FHIT: variants seen among roughly 807,000 people sequenced by gnomAD.
FHIT encodes the protein fragile histidine triad diadenosine triphosphatase, also known as bis(5'-adenosyl)-triphosphatase.
FHIT carries 19 observed loss-of-function variants against 17.9 expected under a neutral mutation model. The observed-to-expected ratio is 1.06, with a 90% CI of 0.74 to 1.56. The LOEUF (loss-of-function observed/expected upper bound fraction) is 1.56. FHIT is among the 40% of genes most tolerant of loss of function. The pLI is 0.00. For missense variants in FHIT, 248 were observed against 189.2 expected, an observed-to-expected ratio of 1.31 and a Z score of -1.82; for synonymous variants, 81 against 69.7, an observed-to-expected ratio of 1.16 and a Z score of -0.81.
At chr3:61,090,104 T>C (rs1334348875) in intron 2 of FHIT, among the ~76,000 whole-genome samples, 16 of 152,234 alleles carry the variant, frequency 1.1e-4, no homozygotes, top group Admixed American at 1.0e-3. Context: ...TCCAAGATTA[T>C]GCCTTTCATC....
At chr3:60,397,000 G>A (rs1015981935) in intron 5 of FHIT, among the ~76,000 whole-genome samples, 1 of 152,000 alleles carries the variant, frequency 6.6e-6, no homozygotes, top group Non-Finnish European at 1.5e-5. Flanking sequence ...GCTTTTCATT[G>A]TCCACAAAAT....
chr3:60,971,541 T>G (rs1002513510), intron 3 of FHIT, among the ~76,000 whole-genome samples: 2 of 152,150 alleles, frequency 1.3e-5, no homozygotes, highest in African/African-American at 4.8e-5. Context: ...TTTGCCCCCT[T>G]GCTATCTATG....
chr3:60,065,007 G>A (rs1702441454), intron 5 of FHIT, among the ~76,000 whole-genome samples: 1 of 152,058 alleles, frequency 6.6e-6, no homozygotes, highest in Non-Finnish European at 1.5e-5. Context: ...AAACACAGCT[G>A]GCCTCAAAGG....
At chr3:60,168,025 A>G (rs555737394) in intron 5 of FHIT, among the ~76,000 whole-genome samples, 7 of 152,346 alleles carry the variant, frequency 4.6e-5, no homozygotes, top group Admixed American at 2.6e-4. Context: ...CCCTGTCTCA[A>G]TAAGTAAGTA....
rs192709469 is a variant in FHIT, at chr3:59,854,442, A to G, written c.348+67904T>C. Among the ~76,000 whole-genome samples, 4 of 152,322 alleles carry G rather than the reference A, an allele frequency of 2.6e-5. No individual in the cohort carries two copies. In the East Asian group the frequency reaches 7.7e-4, roughly 29 times the overall value. ...TTTCCCATCTGACTTTCCAATGAGCATCCCAATCATCACTTAGGTCATTAT... is the reference window on the plus strand; with the variant it reads ...TTTCCCATCTGACTTTCCAATGAGCGTCCCAATCATCACTTAGGTCATTAT... On this transcript the variant is annotated intron_variant, in intron 8 of 9. Transcript: ENST00000492590.
intron 5 of FHIT, among the ~76,000 whole-genome samples, chr3:60,285,626 A>G (rs1335734973): frequency 6.6e-6 from 1 of 152,156 alleles, no homozygotes; most frequent in Non-Finnish European, 1.5e-5. Flanking sequence ...GTTGAGTTTA[A>G]TTTTAGGAAA....
chr3:60,595,522 G>GAC (rs1353320008), intron 4 of FHIT, among the ~76,000 whole-genome samples: 5 of 46,310 alleles, frequency 1.1e-4, no homozygotes, highest in South Asian at 7.3e-4. Context: ...TATATATATG[G>GAC]ACACACACAC....
intron 5 of FHIT, among the ~76,000 whole-genome samples, chr3:60,172,556 G>A (rs527290604): frequency 4.6e-5 from 7 of 152,102 alleles, no homozygotes; most frequent in South Asian, 4.2e-4. Context: ...GATTAAAGGC[G>A]TGAGCCACTG....
intron 5 of FHIT, among the ~76,000 whole-genome samples, chr3:60,524,266 T>A (rs2035490996): frequency 6.6e-6 from 1 of 150,848 alleles, no homozygotes. Context: ...TATATAATAA[T>A]TTAGTGTATA....
Position 60,217,790 on chromosome 3 carries a change from C to T in FHIT, c.104-203638G>A, listed in dbSNP as rs541829683. 1.2e-4 allele frequency among the ~76,000 whole-genome samples: 18 copies of T among 152,300 alleles called. 1 individual carries two copies. In the South Asian group the frequency reaches 3.5e-3, roughly 30 times the overall value. Reference sequence around the variant, plus strand: ...CACTTTTCTCTTTGCCTGGCTCCCTCCTGCCCATGGTTCAGATCTCAATTT... The same window carrying T: ...CACTTTTCTCTTTGCCTGGCTCCCTTCTGCCCATGGTTCAGATCTCAATTT... On this transcript the variant is annotated intron_variant, in intron 5 of 9. Coordinates refer to ENST00000492590, the MANE Select transcript of FHIT (RefSeq NM_002012.4).
intron 5 of FHIT, among the ~76,000 whole-genome samples, chr3:60,404,409 C>G (rs924777450): frequency 6.6e-6 from 1 of 152,140 alleles, no homozygotes; most frequent in African/African-American, 2.4e-5. Flanking sequence ...GTATGTACTA[C>G]TCAGTTGTCT....
intron 4 of FHIT, among the ~76,000 whole-genome samples, chr3:60,754,724 G>C (rs1437500630): frequency 6.6e-6 from 1 of 151,980 alleles, no homozygotes; most frequent in Non-Finnish European, 1.5e-5. Context: ...TGGCAAATCT[G>C]AATCTTTGCT....
intron 2 of FHIT, among the ~76,000 whole-genome samples, chr3:61,161,290 C>A (rs1471827049): frequency 1.3e-5 from 2 of 151,934 alleles, no homozygotes; most frequent in Non-Finnish European, 2.9e-5. Context: ...GCAACCTCCA[C>A]CTCCAGATCC....
chr3:60,113,845 CA>C (rs1202513210), intron 5 of FHIT, among the ~76,000 whole-genome samples: 1 of 147,778 alleles, frequency 6.8e-6, no homozygotes, highest in African/African-American at 2.5e-5. Context: ...ACTAAAAATA[CA>C]AAAAAATTAG....
chr3:60,606,408 T>G (rs1008064406), intron 4 of FHIT, among the ~76,000 whole-genome samples: 2 of 151,952 alleles, frequency 1.3e-5, no homozygotes, highest in Non-Finnish European at 2.9e-5. Flanking sequence ...GCCCAGGTAA[T>G]TTTTTGTGTT....
At position 60,504,140 on chromosome 3, in the gene FHIT, TAA is replaced by T. The variant is rs552003055; in HGVS notation, c.103+32718_103+32719del. The stretch of plus-strand genomic sequence containing the variant: ...GATAGCCACCAATGTCAGTCACACT[TAA>T]AAAGATTTTTTGGCCGGGCAGCGTG... On this transcript the variant is annotated intron_variant, in intron 5 of 9. Coordinates refer to ENST00000492590, the MANE Select transcript of FHIT (RefSeq NM_002012.4). Among the ~76,000 whole-genome samples, 693 of 152,300 alleles carry T rather than the reference TAA, an allele frequency of 4.6e-3. 7 individuals are homozygous for T. Among genetic ancestry groups the T allele is most frequent in the Middle Eastern group, 0.024 (7 of 294 alleles).
intron 5 of FHIT, among the ~76,000 whole-genome samples, chr3:60,147,524 C>A (rs187791697): frequency 1.3e-5 from 2 of 152,156 alleles, no homozygotes; most frequent in Admixed American, 6.5e-5. Flanking sequence ...GTTCAACATG[C>A]GACAGGTAGG....
At chr3:60,007,330 C>T (rs367816666) in intron 7 of FHIT, among the ~76,000 whole-genome samples, 2 of 152,178 alleles carry the variant, frequency 1.3e-5, no homozygotes, top group Non-Finnish European at 2.9e-5. Context: ...TTTTAGTCTT[C>T]GTTAGTAACA....
At chr3:60,773,004 C>T (rs1473101030) in intron 4 of FHIT, among the ~76,000 whole-genome samples, 2 of 152,172 alleles carry the variant, frequency 1.3e-5, no homozygotes, top group Admixed American at 1.3e-4. Context: ...CCCTAACCTA[C>T]AAGCCTTCTA....
Sources: allele counts gnomAD v4.1 joint callset (sites outside exome capture counted in the v4.1 genomes callset), GRCh38; gene constraint gnomAD v4.1.1; transcripts MANE v1.5; gene names NCBI Gene and HGNC (gene_info 2026-07-23, HGNC 2026-07-21).